The following MRTFB variants were observed in gnomAD, a reference collection of about 807,000 sequenced individuals.
MRTFB encodes myocardin-related transcription factor B.
Under a neutral mutation model 104.2 loss-of-function variants are expected in MRTFB, and 29 were observed. The ratio of observed to expected loss-of-function variants is 0.28; its 90% CI spans 0.21 to 0.38. The LOEUF is 0.38. Ranked by LOEUF, MRTFB falls within the 10% of genes least tolerant of loss-of-function variation. The probability of loss-of-function intolerance (pLI) is 1.00; values close to 1 mark genes in which losing one functional copy is unlikely to be tolerated. For missense variants in MRTFB, 1,270 were observed against 1,341.6 expected, an observed-to-expected ratio of 0.95 and a Z score of 0.83; for synonymous variants, 535 against 519.5, an observed-to-expected ratio of 1.03 and a Z score of -0.41.
the MRTFB span, among the ~76,000 whole-genome samples, chr16:14,033,268 G>A: frequency 2.6e-5 from 4 of 151,952 alleles, no homozygotes; most frequent in African/African-American, 4.8e-5. Context: ...AACATAGGTC[G>A]GGTGCAGAGG....
chr16:14,241,725 T>C (rs1173038973), intron 10 of MRTFB, among the ~76,000 whole-genome samples: 1 of 152,154 alleles, frequency 6.6e-6, no homozygotes, highest in Non-Finnish European at 1.5e-5. Context: ...AATTCAGACC[T>C]GATTGTGAAG....
chr16:14,130,531 T>C (rs551172166), intron 2 of MRTFB, among the ~76,000 whole-genome samples: 1 of 152,344 alleles, frequency 6.6e-6, no homozygotes, highest in East Asian at 1.9e-4. Context: ...TCCTCTAATA[T>C]GTGAGTTATA....
chr16:14,174,842 C>T (rs975429733), intron 3 of MRTFB, among the ~76,000 whole-genome samples: 6 of 152,152 alleles, frequency 3.9e-5, no homozygotes, highest in Non-Finnish European at 7.3e-5. Context: ...CAGCTCATTG[C>T]GTTACACCAT....
At chr16:14,002,829 T>A in the MRTFB span, among the ~76,000 whole-genome samples, 1 of 151,996 alleles carries the variant, frequency 6.6e-6, no homozygotes, top group Non-Finnish European at 1.5e-5. Context: ...CCTCTTTTGA[T>A]CTCGATTCTG....
chr16:14,004,776 G>A, the MRTFB span, among the ~76,000 whole-genome samples: 1 of 152,242 alleles, frequency 6.6e-6, no homozygotes, highest in Non-Finnish European at 1.5e-5. Flanking sequence ...CTCAGAGAAT[G>A]CACTTCCTGG....
intron 9 of MRTFB, among the ~76,000 whole-genome samples, chr16:14,235,993 A>C (rs2042484715): frequency 6.6e-6 from 1 of 152,208 alleles, no homozygotes; most frequent in Admixed American, 6.5e-5. Context: ...CAGCCTGGGC[A>C]ACATGGCAAA....
intron 3 of MRTFB, among the ~76,000 whole-genome samples, chr16:14,158,055 C>G (rs1183744849): frequency 6.6e-6 from 1 of 152,064 alleles, no homozygotes; most frequent in Non-Finnish European, 1.5e-5. Context: ...AGGGATAGTT[C>G]CCCCACTTTT....
the MRTFB span, among the ~76,000 whole-genome samples, chr16:14,006,755 C>T: frequency 1.3e-5 from 2 of 151,600 alleles, no homozygotes; most frequent in Non-Finnish European, 2.9e-5. Flanking sequence ...GTGGCTCATG[C>T]CTGTAATTCC....
chr16:14,218,914 G>A lies in MRTFB; in HGVS notation c.609G>A (p.Gln203=), dbSNP rs773767840. The part of the protein sequence containing the change: ...DALSPDQPAS[Q]ESQGSAASPS... ...TGTCTCCGGACCAGCCTGCGAGTCA[G>A]GAGTCACAGGGGTCAGCCGCGTCCC... Residue 203 remains glutamine, a synonymous_variant, in exon 8 of 17, where the codon CAG becomes CAA. Coordinates refer to ENST00000571589, the MANE Select transcript of MRTFB (RefSeq NM_001308142.2). 36 of 1,613,984 alleles carry A rather than the reference G, an allele frequency of 2.2e-5. No homozygotes were observed. The highest frequency in any genetic ancestry group is 2.9e-5 in the Non-Finnish European group (34 of 1,180,010).
At chr16:14,017,053 CTTCT>C in the MRTFB span, among the ~76,000 whole-genome samples, 7 of 105,128 alleles carry the variant, frequency 6.7e-5, no homozygotes, top group South Asian at 1.1e-3. Context: ...CTGCAGTCTT[CTTCT>C]TTTTTTTTTT....
Position 14,250,044 on chromosome 16 carries a change from A to G in MRTFB, c.2403+963A>G, listed in dbSNP as rs149401737. Reference sequence around the variant, plus strand: ...AATTAAAAGCTTAGTAAATGTTCCAATGTTAAGACAATTTGTTTTAGGGAG... The same window carrying G: ...AATTAAAAGCTTAGTAAATGTTCCAGTGTTAAGACAATTTGTTTTAGGGAG... On this transcript the variant is annotated intron_variant, in intron 13 of 16. Transcript: ENST00000571589. 3.3e-3 allele frequency among the ~76,000 whole-genome samples: 500 copies of G among 152,338 alleles called. 3 individuals carry two copies. The highest frequency in any genetic ancestry group is 8.3e-3 in the African/African-American group (346 of 41,574).
the MRTFB span, chr16:14,019,090 C>G: frequency 1.3e-5 from 2 of 152,398 alleles, no homozygotes; most frequent in Admixed American, 1.3e-4. Flanking sequence ...TGGCAGCATT[C>G]TTCCCTCTGG....
chr16:14,059,009 C>T, the MRTFB span, among the ~76,000 whole-genome samples: 520 of 152,024 alleles, frequency 3.4e-3, 2 homozygotes, highest in African/African-American at 0.011. Context: ...CATGAGCCAC[C>T]GCCCCCGGCC....
chr16:14,064,295 A>C, the MRTFB span, among the ~76,000 whole-genome samples: 1 of 152,072 alleles, frequency 6.6e-6, no homozygotes, highest in Non-Finnish European at 1.5e-5. Context: ...GTGTCTGTTC[A>C]TGTCCATTGC....
At chr16:14,254,953 A>G (rs2043416582) in intron 15 of MRTFB, among the ~76,000 whole-genome samples, 2 of 152,242 alleles carry the variant, frequency 1.3e-5, no homozygotes, top group South Asian at 2.1e-4. Flanking sequence ...AAAGGGATCC[A>G]TGTGGATACA....
Position 14,157,913 on chromosome 16 carries a change from A to ATG in MRTFB, c.154+17154_154+17155insGT, listed in dbSNP as rs1353864776. Reference sequence around the variant, plus strand: ...TCTATTTTTATCAAATGACTTTTATATATAGTTTCATTTTATTGGCCCAAA... The same window carrying ATG: ...TCTATTTTTATCAAATGACTTTTATATGTATAGTTTCATTTTATTGGCCCAAA... On this transcript the variant is annotated intron_variant, in intron 3 of 16. Coordinates refer to ENST00000571589, the MANE Select transcript of MRTFB (RefSeq NM_001308142.2). 2.2e-5 allele frequency among the ~76,000 whole-genome samples: 3 copies of ATG among 135,838 alleles called. No individual in the cohort carries two copies. In the East Asian group the frequency reaches 6.3e-4, roughly 29 times the overall value. 89.1% of individuals were successfully genotyped at this position (135,838 alleles called of 152,430 possible). A position where few individuals can be genotyped will look rare whatever the true frequency, so the allele number is the denominator to read the frequency against.
intron 2 of MRTFB, among the ~76,000 whole-genome samples, chr16:14,138,936 T>C (rs959084646): frequency 5.4e-4 from 82 of 152,148 alleles, no homozygotes; most frequent in African/African-American, 1.5e-3. Context: ...TAACTCAAAA[T>C]GGATCATAGA....
the MRTFB span, among the ~76,000 whole-genome samples, chr16:14,043,501 T>C: frequency 1.3e-5 from 2 of 152,118 alleles, no homozygotes; most frequent in Non-Finnish European, 2.9e-5. Flanking sequence ...TTCTTCATTG[T>C]TGCATCTTCC....
chr16:14,134,014 A>G (rs1439749122), intron 2 of MRTFB, among the ~76,000 whole-genome samples: 17 of 151,032 alleles, frequency 1.1e-4, no homozygotes. Flanking sequence ...TCAAATTTTT[A>G]TAGATGGATC....
Sources: gnomAD v4.1 joint callset for allele counts (sites outside exome capture counted in the v4.1 genomes callset) on GRCh38, gnomAD v4.1.1 for gene constraint, MANE v1.5 for transcripts, NCBI Gene and HGNC (gene_info 2026-07-23, HGNC 2026-07-21) for gene names.